C14orf39: variants seen among roughly 807,000 people sequenced by gnomAD.
The protein encoded by C14orf39 is chromosome 14 open reading frame 39, also known as protein SIX6OS1.
In C14orf39, 66 loss-of-function variants were observed where a neutral mutation model predicts 85.6. The observed-to-expected ratio is 0.77, with a 90% CI of 0.63 to 0.95. The LOEUF (loss-of-function observed/expected upper bound fraction) is 0.95. Among genes scored for constraint, C14orf39 ranks in the 40% least tolerant of loss-of-function variants. C14orf39 has a pLI of 0.00. For synonymous variants in C14orf39, 242 were observed against 214.0 expected, an observed-to-expected ratio of 1.13 and a Z score of -1.14; for missense variants, 735 against 663.9, an observed-to-expected ratio of 1.11 and a Z score of -1.18.
chr14:60,442,135 G>A lies in C14orf39; in HGVS notation c.1504-4C>T, dbSNP rs761649237. On this transcript the variant is annotated splice_polypyrimidine_tract_variant and splice_region_variant and intron_variant, in intron 16 of 17. Transcript: ENST00000321731. ...TTGCAGAATAATGTTCATTAAACTGGAAAATAATTTCCATTAAATATTACT... is the reference window on the plus strand; with the variant it reads ...TTGCAGAATAATGTTCATTAAACTGAAAAATAATTTCCATTAAATATTACT... 1 of 1,576,804 alleles carries A rather than the reference G, an allele frequency of 6.3e-7. No individual in the cohort carries two copies. Among genetic ancestry groups the A allele is most frequent in the Non-Finnish European group, 8.7e-7 (1 of 1,147,010 alleles).
At chr14:60,443,389 G>A (rs1890614683) in intron 16 of C14orf39, among the ~76,000 whole-genome samples, 1 of 152,214 alleles carries the variant, frequency 6.6e-6, no homozygotes, top group Admixed American at 6.5e-5. Flanking sequence ...CTGGCTCGGT[G>A]AGTGCCATGC....
chr14:60,508,511 T>A (rs1356194393), intron 1 of C14orf39, among the ~76,000 whole-genome samples: 2 of 152,188 alleles, frequency 1.3e-5, no homozygotes, highest in Non-Finnish European at 2.9e-5. Context: ...CATTTAAAAT[T>A]ATTTTAGTGG....
chr14:60,498,986 C>T (rs1470145040), intron 2 of C14orf39, among the ~76,000 whole-genome samples: 2 of 152,100 alleles, frequency 1.3e-5, no homozygotes, highest in Admixed American at 6.5e-5. Context: ...GGGCCGGGCA[C>T]GGTGGCTCAC....
chr14:60,465,907 G>T, intron 11 of C14orf39, 72 bp downstream of exon 11: 14 of 686,234 alleles, frequency 2.0e-5, no homozygotes, highest in East Asian at 3.0e-5. Context: ...TGTGTCTTAA[G>T]GGCAGTACAT....
intron 1 of C14orf39, among the ~76,000 whole-genome samples, chr14:60,514,169 C>T (rs1291448655): frequency 6.6e-6 from 1 of 152,100 alleles, no homozygotes; most frequent in East Asian, 1.9e-4. Context: ...TTCCCAAGGA[C>T]ATTTAAAGGG....
chr14:60,480,139 A>C (rs970182312), intron 4 of C14orf39, among the ~76,000 whole-genome samples: 1 of 152,168 alleles, frequency 6.6e-6, no homozygotes, highest in African/African-American at 2.4e-5. Context: ...AAGATGAATA[A>C]GGCTGGGTGC....
At chr14:60,483,964 G>T in intron 3 of C14orf39, 147 bp from the exon 4 acceptor site, 1 of 552,094 alleles carries the variant, frequency 1.8e-6, no homozygotes, top group Non-Finnish European at 3.1e-6. Context: ...GGGTGGGACC[G>T]TATACTAAAA....
At chr14:60,450,206 G>T (rs1231471648) in intron 16 of C14orf39, among the ~76,000 whole-genome samples, 1 of 152,230 alleles carries the variant, frequency 6.6e-6, no homozygotes, top group African/African-American at 2.4e-5. Context: ...CAGTGGAGTA[G>T]AACAAGCATG....
chr14:60,455,254 T>C (rs889428694), intron 15 of C14orf39, 109 bp from the exon 16 acceptor site: 3 of 703,952 alleles, frequency 4.3e-6, no homozygotes, highest in African/African-American at 3.8e-5. Flanking sequence ...AGTAGGGAAA[T>C]GTAGGAAGTA....
intron 1 of C14orf39, among the ~76,000 whole-genome samples, chr14:60,514,012 C>T (rs111986017): frequency 6.6e-6 from 1 of 152,186 alleles, no homozygotes; most frequent in Non-Finnish European, 1.5e-5. Flanking sequence ...AAGGGGGTGA[C>T]ACATTACTTG....
chr14:60,456,962 T>C lies in C14orf39; in HGVS notation c.1313A>G (p.Glu438Gly), dbSNP rs761535244. The C allele has an allele frequency of 6.2e-7, 1 of 1,603,986 alleles. No homozygotes were observed. Among genetic ancestry groups the C allele is most frequent in the African/African-American group, 1.3e-5 (1 of 74,156 alleles). The change falls in exon 15 of 18, where the codon GAG becomes GGG. Residue 438 changes from glutamate to glycine, a missense_variant. Physicochemically the swap from Glu to Gly is moderately conservative, Grantham distance 98 (BLOSUM62 -2). Transcript: ENST00000321731. ...AGGGAATTTTATTTTCTCCAATGAC[T>C]CAGGTGCTTTCACAGCTTTGGGAGT... ...LGTPKAVKAP[E>G]SLEKIKFPKT...
At chr14:60,466,740 G>A (rs1015845403) in intron 10 of C14orf39, among the ~76,000 whole-genome samples, 177 bp downstream of exon 10, 4 of 151,802 alleles carry the variant, frequency 2.6e-5, no homozygotes, top group Admixed American at 6.6e-5. Flanking sequence ...AAAAAGTTAC[G>A]TATAGAAGAC....
rs1892983311 is a variant in C14orf39 at position 60,491,185 on chromosome 14, A to G, written c.-8-6099T>C. ...GATAATTCATAAATAATAGAAATTT[A>G]TTTCTCACAGTTTTTGAGGTCAGTA... is the stretch of plus-strand genomic sequence containing the variant. On this transcript the variant is annotated intron_variant, in intron 2 of 5. Coordinates refer to the C14orf39 transcript ENST00000556799. This position sits in a 1 kb window ranked among gnomAD's most constrained non-coding sequence, Gnocchi z 4.5. 6.6e-6 allele frequency among the ~76,000 whole-genome samples: 1 copy of G among 152,164 alleles called. No homozygotes were observed. Among genetic ancestry groups the G allele is most frequent in the Admixed American group, 6.5e-5 (1 of 15,282 alleles).
chr14:60,511,337 T>G, intron 1 of C14orf39: 1 of 1,471,164 alleles, frequency 6.8e-7, no homozygotes, highest in Non-Finnish European at 9.5e-7. Context: ...ATGAGAGACC[T>G]GCAAATCCAG....
At position 60,510,021 on chromosome 14, in the gene C14orf39, T is replaced by C. The variant is rs754759414; in HGVS notation, c.-144+5374A>G. On this transcript the variant is annotated intron_variant, in intron 1 of 5. Coordinates refer to the C14orf39 transcript ENST00000556799. The stretch of plus-strand genomic sequence containing the variant: ...TTGAGCGCACCGGGGAGGAGGCGGG[T>C]GGAGGCACCTCTGGCGCCCTTACCC... The C allele has an allele frequency of 6.7e-6, 10 of 1,493,216 alleles. No individual in the cohort carries two copies. In the East Asian group the frequency reaches 2.2e-4, roughly 33 times the overall value. The allele number at this position is 1,493,216 out of a possible 1,614,324, so 92.5% of individuals were successfully genotyped here. A position where few individuals can be genotyped will look rare whatever the true frequency, so the allele number is the denominator to read the frequency against.
intron 13 of C14orf39, among the ~76,000 whole-genome samples, chr14:60,459,382 C>G (rs1056537306): frequency 6.6e-6 from 1 of 151,618 alleles, no homozygotes; most frequent in African/African-American, 2.4e-5. Flanking sequence ...TTCTATTTCT[C>G]TAGGTATATA....
intron 11 of C14orf39, among the ~76,000 whole-genome samples, chr14:60,463,629 T>C (rs1315647060): frequency 6.6e-6 from 1 of 152,106 alleles, no homozygotes; most frequent in Non-Finnish European, 1.5e-5. Flanking sequence ...AGAAAAATAA[T>C]GAACATTTTG....
chr14:60,501,058 T>C (rs1185835470), intron 1 of C14orf39, among the ~76,000 whole-genome samples: 1 of 151,970 alleles, frequency 6.6e-6, no homozygotes, highest in Non-Finnish European at 1.5e-5. Flanking sequence ...GAATAGACTG[T>C]CTAGGGCCAG....
chr14:60,495,588 T>C, intron 2 of C14orf39: 1 of 227,598 alleles, frequency 4.4e-6, no homozygotes, highest in African/African-American at 2.3e-5. Flanking sequence ...CATTTTGTCC[T>C]GGAACTTGGC....
Sources: gnomAD v4.1 joint callset for allele counts (sites outside exome capture counted in the v4.1 genomes callset) on GRCh38, gnomAD v4.1.1 for gene constraint, Gnocchi (gnomAD v3.1) non-coding constraint, MANE v1.5 for transcripts, NCBI Gene and HGNC (gene_info 2026-07-23, HGNC 2026-07-21) for gene names.